DSCAM: variants seen among roughly 807,000 people sequenced by gnomAD.
The protein encoded by DSCAM is DS cell adhesion molecule.
A neutral mutation model predicts 217.7 loss-of-function variants in DSCAM; 47 were observed. The observed-to-expected ratio is 0.22, with a 90% CI of 0.17 to 0.28. The LOEUF (loss-of-function observed/expected upper bound fraction) is 0.28, where lower values mean the gene tolerates loss of function less well. Among genes scored for constraint, DSCAM ranks in the 10% least tolerant of loss-of-function variants. DSCAM has a pLI of 1.00. For synonymous variants in DSCAM, 1,056 were observed against 1,015.3 expected, an observed-to-expected ratio of 1.04 and a Z score of -0.76; for missense variants, 2,080 against 2,618.3, an observed-to-expected ratio of 0.79 and a Z score of 4.49.
chr21:40,379,047 T>C (rs1178256157), intron 3 of DSCAM, among the ~76,000 whole-genome samples: 1 of 152,196 alleles, frequency 6.6e-6, no homozygotes, highest in African/African-American at 2.4e-5. Context: ...TCTAAAGTGG[T>C]TACATAACAA....
At chr21:40,452,237 T>TACACATAC (rs1555921218) in intron 3 of DSCAM, among the ~76,000 whole-genome samples, 1 of 144,370 alleles carries the variant, frequency 6.9e-6, no homozygotes, top group African/African-American at 2.6e-5. Context: ...TACACTATAT[T>TACACATAC]ACACACACAC....
At chr21:40,806,370 G>A (rs2091787399) in intron 1 of DSCAM, among the ~76,000 whole-genome samples, 2 of 151,644 alleles carry the variant, frequency 1.3e-5, no homozygotes, top group African/African-American at 2.4e-5. Flanking sequence ...AAAAAAAAGT[G>A]TGTTGACCAA....
intron 18 of DSCAM, among the ~76,000 whole-genome samples, chr21:40,141,520 G>A (rs991167609): frequency 2.0e-5 from 3 of 152,308 alleles, no homozygotes; most frequent in Non-Finnish European, 4.4e-5. Flanking sequence ...GGAGGCTGAG[G>A]CAGGAGAATT....
At chr21:40,556,852 T>C (rs2076676291) in intron 3 of DSCAM, among the ~76,000 whole-genome samples, 1 of 152,116 alleles carries the variant, frequency 6.6e-6, no homozygotes, top group African/African-American at 2.4e-5. Context: ...AGGGAATAAA[T>C]ATCCATATCA....
intron 3 of DSCAM, chr21:40,513,182 CG>C (rs1295349892): frequency 1.3e-5 from 2 of 152,092 alleles, no homozygotes; most frequent in Admixed American, 1.3e-4. Flanking sequence ...ATTCTTACAT[CG>C]ACTGCATAGA....
rs546755916 is a variant in DSCAM at position 40,535,833 on chromosome 21, T to C, written c.508+156977A>G. Among the ~76,000 whole-genome samples the C allele has an allele frequency of 7.2e-5, 11 of 152,278 alleles. 1 individual carries two copies. In the South Asian group the frequency reaches 1.9e-3, roughly 26 times the overall value. The stretch of plus-strand genomic sequence containing the variant: ...CAACTGGTTCAAAGATAGTGAGAGA[T>C]GTCTAGGTCCAACCACACCTGAAAG... On this transcript the variant is annotated intron_variant, in intron 3 of 32. Transcript: ENST00000400454.
At chr21:40,491,247 G>A (rs369860937) in intron 3 of DSCAM, among the ~76,000 whole-genome samples, 2 of 152,086 alleles carry the variant, frequency 1.3e-5, no homozygotes, top group South Asian at 4.1e-4. Flanking sequence ...AATTCTGGGA[G>A]GTTATTGGTA....
At chr21:40,187,054 G>A in intron 14 of DSCAM, 77 bp downstream of exon 14, 1 of 1,568,970 alleles carries the variant, frequency 6.4e-7, no homozygotes, top group East Asian at 2.3e-5. Flanking sequence ...GCGCTTACAG[G>A]TAAAACACAT....
chr21:40,353,085 T>A (rs1035173594), intron 5 of DSCAM, among the ~76,000 whole-genome samples: 5 of 152,240 alleles, frequency 3.3e-5, no homozygotes, highest in African/African-American at 4.8e-5. Context: ...TACCATCACT[T>A]GTGCTGAAAG....
rs1162831661 is a variant in DSCAM at position 40,347,898 on chromosome 21, C to A, written c.982G>T (p.Gly328Cys). 1 of 1,613,954 alleles carries A rather than the reference C, an allele frequency of 6.2e-7. No individual in the cohort carries two copies. Among genetic ancestry groups the A allele is most frequent in the Non-Finnish European group, 8.5e-7 (1 of 1,179,934 alleles). The change falls in exon 6 of 33, where the codon GGT (glycine) becomes TGT (cysteine). Residue 328 changes from glycine (G) to cysteine (C), a missense_variant. Coordinates refer to ENST00000400454, the MANE Select transcript of DSCAM (RefSeq NM_001389.5). ...CTGCAGGACAAGGAAACTTGGCTAC[C>A]CACGCTGCTTTTAACCTTCCTGGGA... ...ISPRKVKSSV[G>C]SQVSLSCSVT...
intron 3 of DSCAM, among the ~76,000 whole-genome samples, chr21:40,658,516 C>T (rs2090100717): frequency 6.6e-6 from 1 of 152,180 alleles, no homozygotes; most frequent in Admixed American, 6.6e-5. Flanking sequence ...ATTGCAAATC[C>T]TCACCATGGG....
intron 11 of DSCAM, among the ~76,000 whole-genome samples, chr21:40,240,348 GGTT>G (rs1474547051): frequency 9.8e-4 from 43 of 43,840 alleles, no homozygotes; most frequent in African/African-American, 6.9e-3. Flanking sequence ...CTTCCTCACT[GGTT>G]TTTTTTTTTT....
chr21:40,415,811 AC>A (rs2075365834), intron 3 of DSCAM, among the ~76,000 whole-genome samples: 2 of 151,622 alleles, frequency 1.3e-5, no homozygotes, highest in East Asian at 3.9e-4. Flanking sequence ...AACTCTCCCA[AC>A]CCCTGCCGCA....
intron 3 of DSCAM, among the ~76,000 whole-genome samples, chr21:40,492,850 G>T (rs938732718): frequency 6.6e-6 from 1 of 151,762 alleles, no homozygotes; most frequent in Non-Finnish European, 1.5e-5. Flanking sequence ...CCAAATCTAG[G>T]GAAAGGTATA....
At chr21:40,530,920 ACCATCCATCCAT>A (rs749257248) in intron 3 of DSCAM, among the ~76,000 whole-genome samples, 88 of 88,544 alleles carry the variant, frequency 9.9e-4, no homozygotes, top group Admixed American at 1.6e-3. Flanking sequence ...CATCCATTCA[ACCATCCATCCAT>A]CCATCCATCC....
At chr21:40,649,293 T>C (rs2089986405) in intron 3 of DSCAM, among the ~76,000 whole-genome samples, 1 of 152,144 alleles carries the variant, frequency 6.6e-6, no homozygotes, top group Non-Finnish European at 1.5e-5. Context: ...CTGCCACCTC[T>C]GGCCCACTCC....
At chr21:40,407,186 A>C (rs1018717704) in intron 3 of DSCAM, among the ~76,000 whole-genome samples, 1 of 152,250 alleles carries the variant, frequency 6.6e-6, no homozygotes, top group Non-Finnish European at 1.5e-5. Flanking sequence ...TATTTTAATT[A>C]GCTTTATCTA....
At chr21:40,137,699 AT>A (rs1193945554) in intron 18 of DSCAM, among the ~76,000 whole-genome samples, 10 of 152,136 alleles carry the variant, frequency 6.6e-5, no homozygotes, top group African/African-American at 1.4e-4. Flanking sequence ...AATTAAAAAA[AT>A]ATATAAAATA....
chr21:40,128,177 T>G (rs117519112), intron 19 of DSCAM, among the ~76,000 whole-genome samples: 2,372 of 150,190 alleles, frequency 0.016, 36 homozygotes, highest in Non-Finnish European at 0.023. Context: ...AACCCCACCA[T>G]GCCCATCCTG....
Sources: gnomAD v4.1 joint callset for allele counts (sites outside exome capture counted in the v4.1 genomes callset) on GRCh38, gnomAD v4.1.1 for gene constraint, MANE v1.5 for transcripts, NCBI Gene and HGNC (gene_info 2026-07-23, HGNC 2026-07-21) for gene names.